The following NKAIN3 variants were observed in gnomAD, a reference collection of about 807,000 sequenced individuals.
NKAIN3 encodes the protein sodium/potassium-transporting ATPase subunit beta-1-interacting protein 3.
NKAIN3 carries 25 observed loss-of-function variants against 30.2 expected under a neutral mutation model. The observed-to-expected ratio is 0.83, with a 90% confidence interval of 0.60 to 1.16. The LOEUF (loss-of-function observed/expected upper bound fraction) is 1.16, where lower values mean the gene tolerates loss of function less well. NKAIN3 is among the 50% of genes most tolerant of loss of function. The probability of loss-of-function intolerance (pLI) is 0.00; values close to 1 mark genes in which losing one functional copy is unlikely to be tolerated. For synonymous variants in NKAIN3, 91 were observed against 89.6 expected (o/e 1.02, Z -0.09); for missense variants, 225 against 254.1 (o/e 0.89, Z 0.78).
At chr8:62,328,870 T>C (rs1317375989) in intron 1 of NKAIN3, among the ~76,000 whole-genome samples, 1 of 152,114 alleles carries the variant, frequency 6.6e-6, no homozygotes, top group Non-Finnish European at 1.5e-5. Context: ...TGTCTCCTGC[T>C]ACACACCCTT....
In NKAIN3 at chr8:62,980,544, T is replaced by C. The variant is rs929921481; in HGVS notation, c.*15137T>C. On this transcript the variant is annotated 3_prime_UTR_variant, in exon 7 of 7. Coordinates refer to ENST00000623646, the MANE Select transcript of NKAIN3 (RefSeq NM_001304533.3). Reference sequence around the variant, plus strand: ...CTTCATCAAAACTTGCGTTGTGTTGTGCAGCCTTTTCTTTGCATTGTCCAG... The same window carrying C: ...CTTCATCAAAACTTGCGTTGTGTTGCGCAGCCTTTTCTTTGCATTGTCCAG... 6.6e-6 allele frequency: 1 copy of C among 152,246 alleles called. No individual in the cohort carries two copies. The highest frequency in any genetic ancestry group is 2.4e-5 in the African/African-American group (1 of 41,472). The allele number at this position is 152,246 out of a possible 1,614,324, so 9.4% of individuals were successfully genotyped here. A position where few individuals can be genotyped will look rare whatever the true frequency, so the allele number is the denominator to read the frequency against.
chr8:62,359,191 A>G (rs2129592349), intron 1 of NKAIN3, among the ~76,000 whole-genome samples: 1 of 152,292 alleles, frequency 6.6e-6, no homozygotes, highest in South Asian at 2.1e-4. Flanking sequence ...CAAAATATAT[A>G]TATTACTAGT....
intron 5 of NKAIN3, among the ~76,000 whole-genome samples, chr8:62,948,870 T>C (rs1823202237): frequency 6.6e-6 from 1 of 152,232 alleles, no homozygotes. Context: ...TCTGAGCTTT[T>C]AGCTCAGCAG....
chr8:62,591,905 C>T (rs1295461610), intron 3 of NKAIN3, among the ~76,000 whole-genome samples: 5 of 151,932 alleles, frequency 3.3e-5, no homozygotes, highest in East Asian at 1.9e-4. Flanking sequence ...TTTCCAGGTT[C>T]GTTCCATTGT....
chr8:62,954,406 C>G (rs946432686), intron 6 of NKAIN3, among the ~76,000 whole-genome samples: 1 of 152,096 alleles, frequency 6.6e-6, no homozygotes, highest in Non-Finnish European at 1.5e-5. Context: ...TATGGTTTCA[C>G]AGGGGGGAAA....
chr8:62,602,232 T>C (rs758948735), intron 3 of NKAIN3, among the ~76,000 whole-genome samples: 1 of 152,100 alleles, frequency 6.6e-6, no homozygotes, highest in African/African-American at 2.4e-5. Context: ...ATGAATATAT[T>C]ATTCTATCAA....
chr8:62,883,571 T>A (rs1404807588), intron 4 of NKAIN3, among the ~76,000 whole-genome samples: 1 of 151,464 alleles, frequency 6.6e-6, no homozygotes, highest in African/African-American at 2.4e-5. Flanking sequence ...TCATATTACA[T>A]TAGCTAAGAA....
chr8:62,853,752 G>T (rs964632890), intron 4 of NKAIN3, among the ~76,000 whole-genome samples: 1 of 152,060 alleles, frequency 6.6e-6, no homozygotes, highest in Admixed American at 6.6e-5. Flanking sequence ...TTTCAGGTTT[G>T]TGTGCTCTTG....
chr8:62,515,273 T>A (rs552621771), intron 1 of NKAIN3, among the ~76,000 whole-genome samples: 1 of 152,182 alleles, frequency 6.6e-6, no homozygotes, highest in Non-Finnish European at 1.5e-5. Context: ...TATTTTTTAG[T>A]TAGCAAATAA....
intron 3 of NKAIN3, among the ~76,000 whole-genome samples, chr8:62,651,281 A>T (rs533284807): frequency 1.3e-5 from 2 of 152,326 alleles, no homozygotes; most frequent in East Asian, 1.9e-4. Flanking sequence ...CATGATAAAA[A>T]GGTGCCACAT....
intron 1 of NKAIN3, among the ~76,000 whole-genome samples, chr8:62,526,596 G>A (rs577411625): frequency 6.6e-6 from 1 of 152,206 alleles, no homozygotes; most frequent in South Asian, 2.1e-4. Flanking sequence ...ATCTAGGAGT[G>A]TTTATTTAGC....
chr8:62,697,205 G>C (rs931550825), intron 3 of NKAIN3, among the ~76,000 whole-genome samples: 1 of 152,074 alleles, frequency 6.6e-6, no homozygotes, highest in Admixed American at 6.5e-5. Flanking sequence ...AGCCAACAGA[G>C]CCCTACATGA....
chr8:62,338,598 A>G (rs975795267), intron 1 of NKAIN3, among the ~76,000 whole-genome samples: 18 of 151,982 alleles, frequency 1.2e-4, no homozygotes, highest in Non-Finnish European at 2.5e-4. Context: ...ATATAGGTAT[A>G]TATATAGAGA....
chr8:62,912,439 T>A (rs184577468), intron 4 of NKAIN3, among the ~76,000 whole-genome samples: 94 of 152,350 alleles, frequency 6.2e-4, no homozygotes, highest in African/African-American at 2.1e-3. Context: ...TTTAGCTTAC[T>A]GTAACATTTT....
At chr8:62,355,414 GT>G (rs1816317636) in intron 1 of NKAIN3, among the ~76,000 whole-genome samples, 1 of 152,174 alleles carries the variant, frequency 6.6e-6, no homozygotes, top group Non-Finnish European at 1.5e-5. Context: ...TGGCATCCCA[GT>G]TTTACCTTGG....
chr8:62,891,365 G>A (rs1287330729), intron 4 of NKAIN3, among the ~76,000 whole-genome samples: 2 of 152,202 alleles, frequency 1.3e-5, no homozygotes, highest in East Asian at 3.9e-4. Context: ...TGATTTGCCA[G>A]GGACACTCTG....
intron 4 of NKAIN3, among the ~76,000 whole-genome samples, chr8:62,848,223 T>C (rs140125511): frequency 1.4e-3 from 216 of 152,334 alleles, no homozygotes; most frequent in African/African-American, 4.9e-3. Flanking sequence ...ATGTCAATGG[T>C]AGTTTAATGG....
chr8:62,900,348 T>C (rs1821573350), intron 4 of NKAIN3, among the ~76,000 whole-genome samples: 1 of 152,188 alleles, frequency 6.6e-6, no homozygotes. Context: ...TAAGAAAGGA[T>C]TACTCTGAAG....
At chr8:62,953,830 A>G in intron 5 of NKAIN3, 72 bp from the exon 6 acceptor site, 2 of 337,722 alleles carry the variant, frequency 5.9e-6, no homozygotes, top group East Asian at 1.7e-4. Context: ...GCTCTTATGC[A>G]TTCTATTTTA....
Sources: gnomAD v4.1 joint callset for allele counts (sites outside exome capture counted in the v4.1 genomes callset) on GRCh38, gnomAD v4.1.1 for gene constraint, MANE v1.5 for transcripts, NCBI Gene and HGNC (gene_info 2026-07-23, HGNC 2026-07-21) for gene names.